The following MON1B variants were observed in gnomAD, a reference collection of about 807,000 sequenced individuals.
MON1B encodes the protein vacuolar fusion protein MON1 homolog B.
MON1B carries 26 observed loss-of-function variants against 45.1 expected under a neutral mutation model. The observed-to-expected ratio is 0.58, with a 90% CI of 0.42 to 0.80. The LOEUF (loss-of-function observed/expected upper bound fraction) is 0.80, where lower values mean the gene tolerates loss of function less well. Among genes scored for constraint, MON1B ranks in the 30% least tolerant of loss-of-function variants. The pLI is 0.00. For synonymous variants in MON1B, 395 were observed against 320.2 expected, an observed-to-expected ratio of 1.23 and a Z score of -2.49; for missense variants, 737 against 754.5, an observed-to-expected ratio of 0.98 and a Z score of 0.27.
Position 77,194,814 on chromosome 16 carries a change from G to T in MON1B, c.955G>T (p.Gly319Cys). The change falls in exon 4 of 6, where the codon GGT (glycine) becomes TGT (cysteine). Residue 319 changes from glycine to cysteine, a missense_variant. Gly to Cys is a radical substitution (Grantham distance 159). Coordinates refer to ENST00000248248, the MANE Select transcript of MON1B (RefSeq NM_014940.4). The surrounding 1 kb of genome is among the most constrained non-coding windows in gnomAD (Gnocchi z 8.1). ...DWVGAPAFAAGEAWAPVCLPR... is the reference protein window; with the variant it reads ...DWVGAPAFAACEAWAPVCLPR... ...GGTGGGTGCACCAGCCTTTGCGGCG[G>T]GTGAGGCTTGGGCACCTGTGTGCCT... is the stretch of plus-strand genomic sequence containing the variant. 1 of 1,611,688 alleles carries T rather than the reference G, an allele frequency of 6.2e-7. No individual in the cohort carries two copies. The highest frequency in any genetic ancestry group is 8.5e-7 in the Non-Finnish European group (1 of 1,180,004).
chr16:77,191,691 C>T, intron 2 of MON1B, 58 bp downstream of exon 2: 4 of 1,554,276 alleles, frequency 2.6e-6, no homozygotes, highest in Non-Finnish European at 2.6e-6. Flanking sequence ...CATTGTTGGA[C>T]GGGGGAAGGG....
chr16:77,191,335 G>T, intron 1 of MON1B, 77 bp downstream of exon 1: 1 of 1,552,046 alleles, frequency 6.4e-7, no homozygotes, highest in South Asian at 1.2e-5. Context: ...GGACGTATTT[G>T]GGCATGATTT....
chr16:77,195,039 T>A lies in MON1B; in HGVS notation c.1180T>A (p.Ser394Thr). 1 of 1,611,862 alleles carries A rather than the reference T, an allele frequency of 6.2e-7. No homozygotes were observed. Among genetic ancestry groups the A allele is most frequent in the Non-Finnish European group, 8.5e-7 (1 of 1,179,948 alleles). Reference protein sequence around the residue: ...GEAASFSNASSASAPAYSVQA... With the variant: ...GEAASFSNASTASAPAYSVQA... The stretch of plus-strand genomic sequence containing the variant: ...GGCTGCCAGCTTCTCTAATGCCTCA[T>A]CAGCCAGTGCTCCTGCCTACAGCGT... The change falls in exon 4 of 6, where the codon TCA (serine) becomes ACA (threonine). Residue 394 changes from serine (S) to threonine (T), a missense_variant. Transcript: ENST00000248248.
chr16:77,199,557 C>A lies in MON1B; in HGVS notation c.*1249C>A. The A allele has an allele frequency of 7.1e-7, 1 of 1,401,512 alleles. No homozygotes were observed. Among genetic ancestry groups the A allele is most frequent in the Non-Finnish European group, 9.9e-7 (1 of 1,014,670 alleles). The allele number at this position is 1,401,512 out of a possible 1,614,324, so 86.8% of individuals were successfully genotyped here. On this transcript the variant is annotated 3_prime_UTR_variant, in exon 6 of 6. Transcript: ENST00000248248. ...TGCACTCCTTTCTCTCCAACCAGGG[C>A]AGAAAGGAGGGAGGATTCGTCCCAT...
chr16:77,200,534 T>A lies in MON1B; in HGVS notation c.*2226T>A, dbSNP rs1471336479. On this transcript the variant is annotated 3_prime_UTR_variant, in exon 6 of 6. Transcript: ENST00000248248. ...ACTTTGGAAGGCCGAGGCGGGTGGG[T>A]CACCTGAGGTCAGGAGTTTGAGACC... is the stretch of plus-strand genomic sequence containing the variant. 6.6e-6 allele frequency: 1 copy of A among 150,510 alleles called. No homozygotes were observed. Among genetic ancestry groups the A allele is most frequent in the Non-Finnish European group, 1.5e-5 (1 of 67,708 alleles). The allele number at this position is 150,510 out of a possible 1,614,324, so 9.3% of individuals were successfully genotyped here. A position where few individuals can be genotyped will look rare whatever the true frequency, so the allele number is the denominator to read the frequency against.
In MON1B at chr16:77,199,670, A is replaced by T. The variant is rs1259222351; in HGVS notation, c.*1362A>T. On this transcript the variant is annotated 3_prime_UTR_variant, in exon 6 of 6. Transcript: ENST00000248248. ...AAGAAAAACAATTTTTTAACCGTTC[A>T]GCACAGTGGAGATAAATTAACAGGC... 1.6e-6 allele frequency: 1 copy of T among 611,594 alleles called. No individual in the cohort carries two copies. Among genetic ancestry groups the T allele is most frequent in the Non-Finnish European group, 2.8e-6 (1 of 351,502 alleles). 37.9% of individuals were successfully genotyped at this position (611,594 alleles called of 1,614,324 possible).
In MON1B at chr16:77,200,902, T is replaced by C. The variant is rs2054735133; in HGVS notation, c.*2594T>C. The C allele has an allele frequency of 6.6e-6, 1 of 152,230 alleles. No homozygotes were observed. Among genetic ancestry groups the C allele is most frequent in the Non-Finnish European group, 1.5e-5 (1 of 68,058 alleles). 9.4% of individuals were successfully genotyped at this position (152,230 alleles called of 1,614,324 possible). On this transcript the variant is annotated 3_prime_UTR_variant, in exon 6 of 6. Transcript: ENST00000248248. ...AACAAAGCCCATGTGTACCTATCAG[T>C]ATGCTTTAACTGTTGTCACCTTTCT...
Position 77,202,309 on chromosome 16 carries a change from G to A in MON1B, c.*4001G>A, listed in dbSNP as rs545393128. On this transcript the variant is annotated 3_prime_UTR_variant, in exon 6 of 6. Transcript: ENST00000248248. ...AGAATCACTCACAAATGGGAAATCT[G>A]ATATAAGGACAAAATGGGAGCACTG... 6.6e-6 allele frequency: 1 copy of A among 152,180 alleles called. No individual in the cohort carries two copies. Among genetic ancestry groups the A allele is most frequent in the Non-Finnish European group, 1.5e-5 (1 of 68,022 alleles). The allele number at this position is 152,180 out of a possible 1,614,324, so 9.4% of individuals were successfully genotyped here.
At position 77,198,545 on chromosome 16, in the gene MON1B, C is replaced by G. The variant is rs2054692206; in HGVS notation, c.*237C>G. The G allele has an allele frequency of 1.8e-6, 1 of 561,134 alleles. No homozygotes were observed. The highest frequency in any genetic ancestry group is 3.1e-5 in the Admixed American group (1 of 32,338). The allele number at this position is 561,134 out of a possible 1,614,324, so 34.8% of individuals were successfully genotyped here. ...TCTGGGGAAATCCTTAGGCCTCCCTCTCCCTTCCCTCTGTCTCATCTCCTC... is the reference window on the plus strand; with the variant it reads ...TCTGGGGAAATCCTTAGGCCTCCCTGTCCCTTCCCTCTGTCTCATCTCCTC... On this transcript the variant is annotated 3_prime_UTR_variant, in exon 6 of 6. Transcript: ENST00000248248.
Position 77,199,496 on chromosome 16 carries a change from T to C in MON1B, c.*1188T>C, listed in dbSNP as rs772245220. 1 of 1,551,454 alleles carries C rather than the reference T, an allele frequency of 6.4e-7. No individual in the cohort carries two copies. The highest frequency in any genetic ancestry group is 1.2e-5 in the South Asian group (1 of 84,042). ...CTCTGAATGTGGAGGCGCCAGAAGC[T>C]ACTGAGGAGGCTGAAGGTAGTGAGG... On this transcript the variant is annotated 3_prime_UTR_variant, in exon 6 of 6. Transcript: ENST00000248248.
chr16:77,193,363 G>A lies in MON1B; in HGVS notation c.149-88G>A. ...TGCGTCAGCATGCAGGGGTCATGGA[G>A]GGGCTAGTAGATATTTGGTGGGTCC... On this transcript the variant is annotated intron_variant, in intron 2 of 5. Transcript: ENST00000248248. The surrounding 1 kb of genome is among the most constrained non-coding windows in gnomAD (Gnocchi z 5.0). The A allele has an allele frequency of 1.5e-6, 2 of 1,305,978 alleles. No homozygotes were observed. The highest frequency in any genetic ancestry group is 2.1e-6 in the Non-Finnish European group (2 of 947,282). The allele number at this position is 1,305,978 out of a possible 1,614,324, so 80.9% of individuals were successfully genotyped here. A position where few individuals can be genotyped will look rare whatever the true frequency, so the allele number is the denominator to read the frequency against.
rs780889425 is a variant in MON1B at position 77,194,310 on chromosome 16, C to G, written c.476-25C>G. 5.0e-6 allele frequency: 8 copies of G among 1,585,342 alleles called. No individual in the cohort carries two copies. The highest frequency in any genetic ancestry group is 1.7e-5 in the Admixed American group (1 of 59,980). Reference sequence around the variant, plus strand: ...GTCATTCCTGATCCAGCTGTACCCCCCCTTCTTACCCCTTCCTTCCCTAGA... The same window carrying G: ...GTCATTCCTGATCCAGCTGTACCCCGCCTTCTTACCCCTTCCTTCCCTAGA... On this transcript the variant is annotated intron_variant, in intron 3 of 5. Coordinates refer to ENST00000248248, the MANE Select transcript of MON1B (RefSeq NM_014940.4). The surrounding 1 kb of genome is among the most constrained non-coding windows in gnomAD (Gnocchi z 8.1).
chr16:77,193,804 G>A lies in MON1B; in HGVS notation c.475+27G>A. Reference sequence around the variant, plus strand: ...TGAGCAAACAGGTGGGAGGCAGAATGGGGGACAGTGACTGGGAATATGGCT... The same window carrying A: ...TGAGCAAACAGGTGGGAGGCAGAATAGGGGACAGTGACTGGGAATATGGCT... On this transcript the variant is annotated intron_variant, in intron 3 of 5. Transcript: ENST00000248248. The surrounding 1 kb of genome is among the most constrained non-coding windows in gnomAD (Gnocchi z 5.0). 1 of 1,586,470 alleles carries A rather than the reference G, an allele frequency of 6.3e-7. No homozygotes were observed.
Position 77,198,701 on chromosome 16 carries a change from T to C in MON1B, c.*393T>C, listed in dbSNP as rs2054694440. On this transcript the variant is annotated 3_prime_UTR_variant, in exon 6 of 6. Coordinates refer to ENST00000248248, the MANE Select transcript of MON1B (RefSeq NM_014940.4). ...AGGTGTCTAGGGTGGCCCACGGGGG[T>C]GCTGGAATTGGCACTTCAGGGCCAG... 1.7e-5 allele frequency: 4 copies of C among 241,972 alleles called. No individual in the cohort carries two copies. In the South Asian group the frequency reaches 2.0e-4, roughly 12 times the overall value. The allele number at this position is 241,972 out of a possible 1,614,324, so 15.0% of individuals were successfully genotyped here.
intron 5 of MON1B, among the ~76,000 whole-genome samples, chr16:77,197,594 T>G (rs934508014): frequency 6.6e-6 from 1 of 151,976 alleles, no homozygotes; most frequent in South Asian, 2.1e-4. Context: ...CTGGCTATGT[T>G]TGAGGAATAG....
chr16:77,199,571 G>T lies in MON1B; in HGVS notation c.*1263G>T. 2.4e-6 allele frequency: 3 copies of T among 1,272,272 alleles called. No individual in the cohort carries two copies. The highest frequency in any genetic ancestry group is 2.2e-6 in the Non-Finnish European group (2 of 902,594). 78.8% of individuals were successfully genotyped at this position (1,272,272 alleles called of 1,614,324 possible). On this transcript the variant is annotated 3_prime_UTR_variant, in exon 6 of 6. Coordinates refer to ENST00000248248, the MANE Select transcript of MON1B (RefSeq NM_014940.4). ...TCCAACCAGGGCAGAAAGGAGGGAGGATTCGTCCCATTACAATAATGAAAT... is the reference window on the plus strand; with the variant it reads ...TCCAACCAGGGCAGAAAGGAGGGAGTATTCGTCCCATTACAATAATGAAAT...
Position 77,199,641 on chromosome 16 carries a change from A to T in MON1B, c.*1333A>T. ...TAAATAAAATGTTAAGCCTTTTGTT[A>T]TTGAAGAAAAACAATTTTTTAACCG... is the stretch of plus-strand genomic sequence containing the variant. On this transcript the variant is annotated 3_prime_UTR_variant, in exon 6 of 6. Coordinates refer to ENST00000248248, the MANE Select transcript of MON1B (RefSeq NM_014940.4). 1.2e-6 allele frequency: 1 copy of T among 813,380 alleles called. No homozygotes were observed. Among genetic ancestry groups the T allele is most frequent in the Non-Finnish European group, 1.9e-6 (1 of 520,766 alleles). 50.4% of individuals were successfully genotyped at this position (813,380 alleles called of 1,614,324 possible). A position where few individuals can be genotyped will look rare whatever the true frequency, so the allele number is the denominator to read the frequency against.
Position 77,200,291 on chromosome 16 carries a change from T to TATATATACATATATATATAC in MON1B, c.*1984_*1985insTATATACATATATATATACA. On this transcript the variant is annotated 3_prime_UTR_variant, in exon 6 of 6. Transcript: ENST00000248248. ...ATATATGTGTATATATATATATATA[T>TATATATACATATATATATAC]ACACACACTAATCAGCCGGGCGCGG... is the stretch of plus-strand genomic sequence containing the variant. 2.3e-4 allele frequency: 26 copies of TATATATACATATATATATAC among 111,434 alleles called. No homozygotes were observed. Among genetic ancestry groups the TATATATACATATATATATAC allele is most frequent in the Admixed American group, 1.1e-3 (13 of 11,448 alleles). The allele number at this position is 111,434 out of a possible 1,614,324, so 6.9% of individuals were successfully genotyped here. A position where few individuals can be genotyped will look rare whatever the true frequency, so the allele number is the denominator to read the frequency against.
chr16:77,194,571 C>T lies in MON1B; in HGVS notation c.712C>T (p.Gln238Ter). The change falls in exon 4 of 6, where the codon CAG becomes TAG. Residue 238 changes from glutamine (Q) to a stop codon, truncating the protein, a stop_gained. Coordinates refer to ENST00000248248, the MANE Select transcript of MON1B (RefSeq NM_014940.4). LOFTEE classifies it high-confidence loss of function. The surrounding 1 kb of genome is among the most constrained non-coding windows in gnomAD (Gnocchi z 8.1). ...TLDRLLDSME[Q>*]DPGALLLGAV... ...GGACCGACTTCTGGACAGTATGGAG[C>T]AGGACCCAGGAGCCCTGCTCCTGGG... 1 of 1,614,008 alleles carries T rather than the reference C, an allele frequency of 6.2e-7. No individual in the cohort carries two copies. The highest frequency in any genetic ancestry group is 2.2e-5 in the East Asian group (1 of 44,876).
Sources: allele counts gnomAD v4.1 joint callset (sites outside exome capture counted in the v4.1 genomes callset), GRCh38; gene constraint gnomAD v4.1.1; non-coding constraint Gnocchi (gnomAD v3.1); transcripts MANE v1.5; gene names NCBI Gene and HGNC (gene_info 2026-07-23, HGNC 2026-07-21).